TOX2: variants seen among roughly 807,000 people sequenced by gnomAD.
TOX2 encodes TOX high mobility group box family member 2, also known as granulosa cell HMG box 1.
TOX2 carries 15 observed loss-of-function variants against 47.4 expected under a neutral mutation model. That is an observed-to-expected ratio of 0.32 (90% confidence interval 0.21 to 0.49). The LOEUF is 0.49. TOX2 is among the 20% of genes least tolerant of loss of function. The probability of loss-of-function intolerance (pLI) is 0.99; values close to 1 mark genes in which losing one functional copy is unlikely to be tolerated. For synonymous variants in TOX2, 290 were observed against 296.6 expected, an observed-to-expected ratio of 0.98 and a Z score of 0.23; for missense variants, 622 against 673.1, an observed-to-expected ratio of 0.92 and a Z score of 0.84.
At chr20:43,972,977 TGG>T (rs2070002775) in intron 1 of TOX2, among the ~76,000 whole-genome samples, 1 of 152,212 alleles carries the variant, frequency 6.6e-6, no homozygotes, top group Non-Finnish European at 1.5e-5. Context: ...CCCCAGCACA[TGG>T]GATTCCAGCT....
At chr20:44,005,587 C>A (rs1395129417) in intron 2 of TOX2, among the ~76,000 whole-genome samples, 1 of 152,098 alleles carries the variant, frequency 6.6e-6, no homozygotes, top group African/African-American at 2.4e-5. Context: ...ATGTCATGAC[C>A]AAATAGGGTT....
At chr20:44,004,747 G>C (rs2145595152) in intron 2 of TOX2, among the ~76,000 whole-genome samples, 1 of 152,330 alleles carries the variant, frequency 6.6e-6, no homozygotes, top group African/African-American at 2.4e-5. Context: ...CCACCAACCA[G>C]GTCCTGTGCC....
At chr20:44,057,354 C>G (rs1439283796) in intron 5 of TOX2, among the ~76,000 whole-genome samples, 1 of 152,118 alleles carries the variant, frequency 6.6e-6, no homozygotes, top group African/African-American at 2.4e-5. Context: ...TTTGCATTAC[C>G]TCTCATGTTT....
chr20:44,054,052 A>G (rs192775127), intron 4 of TOX2, among the ~76,000 whole-genome samples: 1 of 152,264 alleles, frequency 6.6e-6, no homozygotes, highest in Non-Finnish European at 1.5e-5. Flanking sequence ...TTCAGTGACT[A>G]TACAGTCCGT....
At chr20:43,935,606 G>T (rs1329280772) in intron 1 of TOX2, among the ~76,000 whole-genome samples, 1 of 152,114 alleles carries the variant, frequency 6.6e-6, no homozygotes, top group Non-Finnish European at 1.5e-5. Flanking sequence ...AGAGAAACTT[G>T]CCCAAGGTCA....
chr20:43,918,188 C>T (rs995514014), intron 1 of TOX2, among the ~76,000 whole-genome samples: 1 of 152,200 alleles, frequency 6.6e-6, no homozygotes, highest in Admixed American at 6.5e-5. Context: ...GGCTGGGGGA[C>T]AGCTGGGGGA....
chr20:43,966,733 G>A (rs1354610517), intron 1 of TOX2, among the ~76,000 whole-genome samples: 3 of 147,616 alleles, frequency 2.0e-5, no homozygotes, highest in Admixed American at 6.8e-5. Context: ...CAGCCTGGGC[G>A]ACAGAGCAAA....
intron 3 of TOX2, among the ~76,000 whole-genome samples, chr20:44,034,892 G>C (rs1006807899): frequency 6.6e-6 from 1 of 152,180 alleles, no homozygotes; most frequent in Non-Finnish European, 1.5e-5. Context: ...ACACATGTCT[G>C]CCTGTGCTCA....
At chr20:43,992,674 A>G (rs1463238754) in intron 2 of TOX2, among the ~76,000 whole-genome samples, 1 of 152,220 alleles carries the variant, frequency 6.6e-6, no homozygotes, top group East Asian at 1.9e-4. Flanking sequence ...AATACATTTA[A>G]TGTTTTAACA....
In TOX2 at chr20:44,006,735, C is replaced by G; in HGVS notation, c.354C>G (p.Ile118Met). 6.2e-7 allele frequency: 1 copy of G among 1,614,112 alleles called. No individual in the cohort carries two copies. Among genetic ancestry groups the G allele is most frequent in the Non-Finnish European group, 8.5e-7 (1 of 1,180,030 alleles). Reference sequence around the variant, plus strand: ...ATCAGGCCATGGACCTCCCAGCCATCATGGTGTCCAACATGCTAGCACAGG... The same window carrying G: ...ATCAGGCCATGGACCTCCCAGCCATGATGGTGTCCAACATGCTAGCACAGG... ...YSYQAMDLPAIMVSNMLAQDS... is the reference protein window; with the variant it reads ...YSYQAMDLPAMMVSNMLAQDS... Residue 118 changes from isoleucine to methionine, a missense_variant, in exon 3 of 9, where the codon ATC becomes ATG. Ile to Met is a conservative substitution (Grantham distance 10). This residue lies in a region of TOX2 where 307 missense variants were observed against 327.3 expected (regional missense o/e 0.94). Transcript: ENST00000341197.
chr20:43,985,507 T>C (rs1404303219), intron 2 of TOX2, among the ~76,000 whole-genome samples: 1 of 152,216 alleles, frequency 6.6e-6, no homozygotes, highest in African/African-American at 2.4e-5. Flanking sequence ...TTAACCAAGT[T>C]TTCTGAGCTT....
At chr20:44,039,938 C>T (rs1005814470) in intron 3 of TOX2, among the ~76,000 whole-genome samples, 1 of 152,142 alleles carries the variant, frequency 6.6e-6, no homozygotes, top group Non-Finnish European at 1.5e-5. Context: ...TAGGGACCCC[C>T]GAGGTGGGCC....
chr20:43,918,414 C>T (rs1474914266), intron 1 of TOX2, among the ~76,000 whole-genome samples: 1 of 152,296 alleles, frequency 6.6e-6, no homozygotes, highest in African/African-American at 2.4e-5. Context: ...CATCCCAGTC[C>T]AGATAGAGAA....
chr20:44,025,298 A>G (rs1306563322), intron 3 of TOX2, among the ~76,000 whole-genome samples: 1 of 151,880 alleles, frequency 6.6e-6, no homozygotes, highest in Non-Finnish European at 1.5e-5. Flanking sequence ...TGCACCACAC[A>G]GTTGATCCCA....
chr20:43,939,997 T>G (rs2069380762), intron 1 of TOX2, among the ~76,000 whole-genome samples: 1 of 151,978 alleles, frequency 6.6e-6, no homozygotes, highest in African/African-American at 2.4e-5. Flanking sequence ...TTAGGGAAAA[T>G]GAAGTCATGG....
At chr20:44,067,878 C>T (rs112145277) in intron 8 of TOX2, among the ~76,000 whole-genome samples, 2,862 of 152,288 alleles carry the variant, frequency 0.019, 81 homozygotes, top group African/African-American at 0.06. Flanking sequence ...GCTGTCCCAG[C>T]GATAGCGCCA....
At chr20:43,972,988 C>A (rs766853035) in intron 1 of TOX2, among the ~76,000 whole-genome samples, 1 of 152,246 alleles carries the variant, frequency 6.6e-6, no homozygotes, top group East Asian at 1.9e-4. Flanking sequence ...GGGATTCCAG[C>A]TCTAGCTGAT....
chr20:44,048,417 T>TATATAA (rs1388097590), intron 3 of TOX2, among the ~76,000 whole-genome samples: 3 of 139,598 alleles, frequency 2.1e-5, no homozygotes, highest in African/African-American at 5.3e-5. Context: ...TATATATGTA[T>TATATAA]AATTTACCAA....
intron 1 of TOX2, among the ~76,000 whole-genome samples, chr20:43,972,611 C>T (rs1292424058): frequency 6.6e-6 from 1 of 152,234 alleles, no homozygotes; most frequent in Non-Finnish European, 1.5e-5. Context: ...CAGGCACCAT[C>T]CCCATTTAAC....
Sources: gnomAD v4.1 joint callset for allele counts (sites outside exome capture counted in the v4.1 genomes callset) on GRCh38, gnomAD v4.1.1 for gene constraint, gnomAD v4.1.1 regional missense constraint, MANE v1.5 for transcripts, NCBI Gene and HGNC (gene_info 2026-07-23, HGNC 2026-07-21) for gene names.